The following MYEF2 variants were observed in gnomAD, a reference collection of about 807,000 sequenced individuals.
MYEF2 encodes the protein myelin gene expression factor 2.
A neutral mutation model predicts 75.2 loss-of-function variants in MYEF2; 37 were observed. That is an observed-to-expected ratio of 0.49 (90% CI 0.38 to 0.65). The LOEUF (loss-of-function observed/expected upper bound fraction) is 0.65, where lower values mean the gene tolerates loss of function less well. Among genes scored for constraint, MYEF2 ranks in the 30% least tolerant of loss-of-function variants. MYEF2 has a pLI of 0.00. For missense variants in MYEF2, 634 were observed against 771.4 expected, an observed-to-expected ratio of 0.82 and a Z score of 2.11; for synonymous variants, 195 against 241.6, an observed-to-expected ratio of 0.81 and a Z score of 1.79.
intron 16 of MYEF2, among the ~76,000 whole-genome samples, chr15:48,145,350 G>A (rs1169953300): frequency 6.6e-6 from 1 of 151,768 alleles, no homozygotes; most frequent in African/African-American, 2.4e-5. Context: ...AAAAAAATTA[G>A]TTTCAAATAG....
intron 2 of MYEF2, 148 bp from the exon 3 acceptor site, chr15:48,167,549 T>C: frequency 1.7e-6 from 1 of 594,368 alleles, no homozygotes; most frequent in Non-Finnish European, 2.9e-6. Context: ...CTCCTATCAA[T>C]GGCTATGTAA....
intron 9 of MYEF2, chr15:48,157,662 G>T: frequency 1.3e-6 from 1 of 763,538 alleles, no homozygotes; most frequent in Non-Finnish European, 1.6e-6. Flanking sequence ...TAGCAGGCTA[G>T]AAGAAAATAC....
chr15:48,177,970 G>C, intron 1 of MYEF2, 107 bp downstream of exon 1: 1 of 1,411,960 alleles, frequency 7.1e-7, no homozygotes, highest in South Asian at 1.4e-5. Flanking sequence ...GGGGCGGGCC[G>C]GGGTCTGGGG....
At chr15:48,148,928 T>C (rs1211334575) in intron 16 of MYEF2, 104 bp downstream of exon 16, 16 of 1,108,964 alleles carry the variant, frequency 1.4e-5, no homozygotes, top group South Asian at 1.2e-4. Context: ...TATCCAGGAA[T>C]AGGCATCCGG....
In MYEF2 at chr15:48,140,912, T is replaced by A; in HGVS notation, c.*1996A>T. ...GTATCTTTAGATATGTCATTAAAAA[T>A]CTGTGCTACCTGGGTTACCCGAATT... On this transcript the variant is annotated 3_prime_UTR_variant, in exon 17 of 17. Coordinates refer to ENST00000324324, the MANE Select transcript of MYEF2 (RefSeq NM_016132.5). 1 of 457,188 alleles carries A rather than the reference T, an allele frequency of 2.2e-6. No homozygotes were observed. The highest frequency in any genetic ancestry group is 4.0e-6 in the Non-Finnish European group (1 of 250,312). The allele number at this position is 457,188 out of a possible 1,614,324, so 28.3% of individuals were successfully genotyped here.
chr15:48,152,000 GT>G, intron 11 of MYEF2, 58 bp from the exon 12 acceptor site: 1 of 1,542,674 alleles, frequency 6.5e-7, no homozygotes, highest in Non-Finnish European at 9.0e-7. Flanking sequence ...TGAAAGGTAC[GT>G]TTTGTAAATG....
Position 48,141,202 on chromosome 15 carries a change from G to C in MYEF2, c.*1706C>G. The C allele has an allele frequency of 6.2e-7, 1 of 1,613,138 alleles. No homozygotes were observed. The highest frequency in any genetic ancestry group is 1.7e-5 in the Admixed American group (1 of 60,010). On this transcript the variant is annotated 3_prime_UTR_variant, in exon 17 of 17. Coordinates refer to ENST00000324324, the MANE Select transcript of MYEF2 (RefSeq NM_016132.5). Reference sequence around the variant, plus strand: ...ACCAGACACAATTGCAAGTGTGTTGGTTGCAAGAAAAGGTAAGAACTAGGT... The same window carrying C: ...ACCAGACACAATTGCAAGTGTGTTGCTTGCAAGAAAAGGTAAGAACTAGGT...
At chr15:48,166,058 T>C (rs2040121534) in intron 4 of MYEF2, 32 bp from the exon 5 acceptor site, 1 of 1,571,684 alleles carries the variant, frequency 6.4e-7, no homozygotes, top group Non-Finnish European at 8.6e-7. Context: ...AGGAAATGTT[T>C]ATGTGCTAAT....
At position 48,149,456 on chromosome 15, in the gene MYEF2, G is replaced by A. The variant is rs2039412222; in HGVS notation, c.1379-85C>T. The A allele has an allele frequency of 9.0e-7, 1 of 1,113,712 alleles. No homozygotes were observed. Among genetic ancestry groups the A allele is most frequent in the Admixed American group, 2.0e-5 (1 of 49,342 alleles). The allele number at this position is 1,113,712 out of a possible 1,614,324, so 69.0% of individuals were successfully genotyped here. On this transcript the variant is annotated intron_variant, in intron 14 of 16. Coordinates refer to ENST00000324324, the MANE Select transcript of MYEF2 (RefSeq NM_016132.5). The surrounding 1 kb of genome is among the most constrained non-coding windows in gnomAD (Gnocchi z 4.0). ...TAAGGAAAAGGAGAAGAGGAGAAAG[G>A]AGGAAAAGGAGATAAACATTTTTGA... is the stretch of plus-strand genomic sequence containing the variant.
At position 48,149,564 on chromosome 15, in the gene MYEF2, A is replaced by C. The variant is rs2039417200; in HGVS notation, c.1379-193T>G. 1 of 396,046 alleles carries C rather than the reference A, an allele frequency of 2.5e-6. No homozygotes were observed. The highest frequency in any genetic ancestry group is 4.4e-6 in the Non-Finnish European group (1 of 229,742). The allele number at this position is 396,046 out of a possible 1,614,324, so 24.5% of individuals were successfully genotyped here. The stretch of plus-strand genomic sequence containing the variant: ...ATTTTCATACAGATAACAACTTTCC[A>C]AAGAACAGAATTTGCTTACATATAC... On this transcript the variant is annotated intron_variant, in intron 14 of 16. Coordinates refer to ENST00000324324, the MANE Select transcript of MYEF2 (RefSeq NM_016132.5). This position sits in a 1 kb window ranked among gnomAD's most constrained non-coding sequence, Gnocchi z 4.0.
rs1753228784 is a variant in MYEF2 at position 48,142,438 on chromosome 15, A to C, written c.*470T>G. On this transcript the variant is annotated 3_prime_UTR_variant, in exon 17 of 17. Transcript: ENST00000324324. ...TTTCTTCATTTAAATCAAATTTTAA[A>C]AATCTTGAACCTTAGAATCTAAAAC... is the stretch of plus-strand genomic sequence containing the variant. 2 of 1,072,560 alleles carry C rather than the reference A, an allele frequency of 1.9e-6. No homozygotes were observed. The highest frequency in any genetic ancestry group is 4.2e-5 in the South Asian group (2 of 47,102). 66.4% of individuals were successfully genotyped at this position (1,072,560 alleles called of 1,614,324 possible).
At chr15:48,143,562 A>T (rs1210025102) in intron 16 of MYEF2, among the ~76,000 whole-genome samples, 1 of 152,078 alleles carries the variant, frequency 6.6e-6, no homozygotes, top group Admixed American at 6.6e-5. Flanking sequence ...ATCAGGCTAC[A>T]AAGGGCCCCA....
chr15:48,177,944 G>A, intron 1 of MYEF2, 133 bp downstream of exon 1: 3 of 1,240,966 alleles, frequency 2.4e-6, no homozygotes, highest in East Asian at 3.0e-5. Flanking sequence ...CTGCTCCTCA[G>A]GAAGCCGATG....
chr15:48,157,525 T>G (rs1206975350), intron 9 of MYEF2: 2 of 159,216 alleles, frequency 1.3e-5, no homozygotes, highest in African/African-American at 2.4e-5. Context: ...ATCTATATGA[T>G]AGACTATTAT....
In MYEF2 at chr15:48,159,722, G is replaced by A. The variant is rs1275916194; in HGVS notation, c.608C>T (p.Ser203Leu). The A allele has an allele frequency of 1.2e-6, 2 of 1,613,616 alleles. No individual in the cohort carries two copies. The highest frequency in any genetic ancestry group is 1.7e-6 in the Non-Finnish European group (2 of 1,179,728). Residue 203 changes from serine (S) to leucine (L), a missense_variant, in exon 6 of 17, where the codon TCA becomes TTA. Coordinates refer to ENST00000324324, the MANE Select transcript of MYEF2 (RefSeq NM_016132.5). ...FPGGHVPDMG[S>L]GLMNLPPSIL... ...GGAAGGTGGTAAATTCATCAACCCT[G>A]ATCCCATATCAGGGACGTGTCCTCC...
chr15:48,176,904 GC>G (rs2040548099), intron 1 of MYEF2, among the ~76,000 whole-genome samples: 1 of 152,124 alleles, frequency 6.6e-6, no homozygotes, highest in Non-Finnish European at 1.5e-5. Flanking sequence ...AGAAGATGCT[GC>G]CGATCCTGTT....
chr15:48,144,256 A>G (rs2039196571), intron 16 of MYEF2, among the ~76,000 whole-genome samples: 1 of 152,028 alleles, frequency 6.6e-6, no homozygotes, highest in Non-Finnish European at 1.5e-5. Flanking sequence ...TCAAACTTTA[A>G]TATCAATCCA....
At chr15:48,151,718 C>A in intron 12 of MYEF2, 147 bp from the exon 13 acceptor site, 1 of 1,128,824 alleles carries the variant, frequency 8.9e-7, no homozygotes. Flanking sequence ...ACATGCCACA[C>A]ATATCATCCC....
At chr15:48,162,440 A>C (rs1183557614) in intron 5 of MYEF2, among the ~76,000 whole-genome samples, 1 of 152,152 alleles carries the variant, frequency 6.6e-6, no homozygotes, top group African/African-American at 2.4e-5. Flanking sequence ...ACAAAGGAGA[A>C]AGTTTAAGTA....
Sources: gnomAD v4.1 joint callset for allele counts (sites outside exome capture counted in the v4.1 genomes callset) on GRCh38, gnomAD v4.1.1 for gene constraint, Gnocchi (gnomAD v3.1) non-coding constraint, MANE v1.5 for transcripts, NCBI Gene and HGNC (gene_info 2026-07-23, HGNC 2026-07-21) for gene names.